TNR: variants seen among roughly 807,000 people sequenced by gnomAD.
TNR encodes tenascin R.
TNR carries 45 observed loss-of-function variants against 150.4 expected under a neutral mutation model. The ratio of observed to expected loss-of-function variants is 0.30; its 90% CI spans 0.24 to 0.38. TNR has a LOEUF of 0.38. Among genes scored for constraint, TNR ranks in the 10% least tolerant of loss-of-function variants. The probability of loss-of-function intolerance (pLI) is 1.00; values close to 1 mark genes in which losing one functional copy is unlikely to be tolerated. For missense variants in TNR, 1,544 were observed against 1,759.1 expected (o/e 0.88, Z 2.19); for synonymous variants, 687 against 678.4 (o/e 1.01, Z -0.20).
At chr1:175,589,218 C>A (rs755660911) in intron 1 of TNR, among the ~76,000 whole-genome samples, 9 of 152,156 alleles carry the variant, frequency 5.9e-5, no homozygotes, top group Non-Finnish European at 8.8e-5. Context: ...TATGGTGCTG[C>A]AACTAATTGA....
chr1:175,362,540 A>C (rs1651646754), intron 14 of TNR, 123 bp downstream of exon 14: 1 of 1,215,486 alleles, frequency 8.2e-7, no homozygotes, highest in Admixed American at 2.3e-5. Flanking sequence ...TGCAAGACAC[A>C]GTGAGTTGGA....
intron 1 of TNR, among the ~76,000 whole-genome samples, chr1:175,616,076 G>A (rs893518602): frequency 4.6e-5 from 7 of 152,250 alleles, no homozygotes; most frequent in African/African-American, 9.6e-5. Context: ...TTCTTTCTGC[G>A]TGGGACAAAC....
rs530193070 is a variant in TNR at position 175,625,534 on chromosome 1, C to T, written c.-164-97165G>A. 4.6e-5 allele frequency among the ~76,000 whole-genome samples: 7 copies of T among 152,356 alleles called. No individual in the cohort carries two copies. The South Asian group carries it at 1.2e-3, about 27-fold the overall frequency. On this transcript the variant is annotated intron_variant, in intron 1 of 22. Coordinates refer to ENST00000367674, the MANE Select transcript of TNR (RefSeq NM_003285.3). ...CCCAGAGGCCTGAGCTCCAGACTGGCTCAGCCAGGCCTGTGTGCTCCACAG... is the reference window on the plus strand; with the variant it reads ...CCCAGAGGCCTGAGCTCCAGACTGGTTCAGCCAGGCCTGTGTGCTCCACAG...
intron 2 of TNR, among the ~76,000 whole-genome samples, chr1:175,508,558 C>T (rs1659045382): frequency 6.6e-6 from 1 of 152,226 alleles, no homozygotes; most frequent in South Asian, 2.1e-4. Flanking sequence ...GGCTTTTTCA[C>T]TCTCAAACTG....
At chr1:175,391,164 A>AATTGTCCCAGC (rs1219044130) in intron 7 of TNR, 124 bp downstream of exon 7, 2 of 1,252,050 alleles carry the variant, frequency 1.6e-6, no homozygotes, top group Admixed American at 4.7e-5. Flanking sequence ...CAGGTACCAG[A>AATTGTCCCAGC]ATTGTCCCAG....
chr1:175,621,636 T>C (rs1016200351), intron 1 of TNR, among the ~76,000 whole-genome samples: 1 of 152,206 alleles, frequency 6.6e-6, no homozygotes, highest in African/African-American at 2.4e-5. Context: ...ACTTGCTTGA[T>C]AAACTCTTGT....
chr1:175,507,081 C>T (rs932098266), intron 2 of TNR, among the ~76,000 whole-genome samples: 2 of 152,152 alleles, frequency 1.3e-5, no homozygotes, highest in Admixed American at 6.5e-5. Context: ...CATTTGGGTT[C>T]GCTGCTCAGT....
At chr1:175,355,366 G>T in intron 17 of TNR, 137 bp downstream of exon 17, 1 of 1,195,164 alleles carries the variant, frequency 8.4e-7, no homozygotes. Context: ...GGGTATCCTT[G>T]ATGGGAAGCT....
chr1:175,451,806 G>A (rs768972298), intron 2 of TNR, among the ~76,000 whole-genome samples: 5 of 152,208 alleles, frequency 3.3e-5, no homozygotes, highest in Non-Finnish European at 7.3e-5. Flanking sequence ...TTGAACGTTG[G>A]AGAGACACAG....
At chr1:175,494,919 G>A (rs958277530) in intron 2 of TNR, among the ~76,000 whole-genome samples, 9 of 152,154 alleles carry the variant, frequency 5.9e-5, no homozygotes, top group Non-Finnish European at 8.8e-5. Flanking sequence ...AATGAATCTA[G>A]ATCCCTCATA....
intron 1 of TNR, among the ~76,000 whole-genome samples, chr1:175,597,701 G>A (rs536132170): frequency 1.3e-5 from 2 of 152,324 alleles, no homozygotes; most frequent in South Asian, 4.1e-4. Context: ...TATTGGAAAT[G>A]TGGGGGCATG....
intron 5 of TNR, among the ~76,000 whole-genome samples, chr1:175,396,071 T>A (rs935296946): frequency 6.6e-6 from 1 of 152,234 alleles, no homozygotes; most frequent in Non-Finnish European, 1.5e-5. Flanking sequence ...CACCTCTCTA[T>A]CAGGAGAAGG....
chr1:175,328,899 T>C (rs1649561909), intron 21 of TNR, among the ~76,000 whole-genome samples: 1 of 152,254 alleles, frequency 6.6e-6, no homozygotes, highest in Non-Finnish European at 1.5e-5. Flanking sequence ...GGCACAATTC[T>C]AATCTTAGAA....
chr1:175,387,076 C>G lies in TNR; in HGVS notation c.1508-775G>C, dbSNP rs888345739. Reference sequence around the variant, plus strand: ...GGCACTGTGCAGGTCAGGGCAACACCTGGAAAGCTGGTTGATTTCCTGCAG... The same window carrying G: ...GGCACTGTGCAGGTCAGGGCAACACGTGGAAAGCTGGTTGATTTCCTGCAG... On this transcript the variant is annotated intron_variant, in intron 7 of 22. Coordinates refer to ENST00000367674, the MANE Select transcript of TNR (RefSeq NM_003285.3). 2.0e-5 allele frequency among the ~76,000 whole-genome samples: 3 copies of G among 152,218 alleles called. No homozygotes were observed. The East Asian group carries it at 5.8e-4, about 29-fold the overall frequency.
chr1:175,430,881 T>C (rs1278262465), intron 2 of TNR, among the ~76,000 whole-genome samples: 1 of 152,258 alleles, frequency 6.6e-6, no homozygotes, highest in Non-Finnish European at 1.5e-5. Context: ...GGTTGTTTTA[T>C]ATTTTGTAGT....
At chr1:175,395,340 C>T (rs1653374916) in intron 5 of TNR, among the ~76,000 whole-genome samples, 1 of 152,156 alleles carries the variant, frequency 6.6e-6, no homozygotes, top group Non-Finnish European at 1.5e-5. Context: ...TACCTGAATA[C>T]CATCTACCTA....
chr1:175,731,223 A>C (rs1481442825), intron 1 of TNR, among the ~76,000 whole-genome samples: 1 of 152,200 alleles, frequency 6.6e-6, no homozygotes, highest in Non-Finnish European at 1.5e-5. Flanking sequence ...GCCCAATTAC[A>C]GGACAACAAA....
chr1:175,739,221 G>C (rs575133997), intron 1 of TNR, among the ~76,000 whole-genome samples: 26 of 152,246 alleles, frequency 1.7e-4, no homozygotes, highest in African/African-American at 5.8e-4. Context: ...AATGGAAGGA[G>C]GCAGAGGACA....
intron 2 of TNR, among the ~76,000 whole-genome samples, 181 bp from the exon 3 acceptor site, chr1:175,406,958 C>A (rs1461706319): frequency 6.6e-6 from 1 of 152,150 alleles, no homozygotes; most frequent in Non-Finnish European, 1.5e-5. Context: ...AAGGACTGGA[C>A]CCCTGAAAAT....
Sources: gnomAD v4.1 joint callset for allele counts (sites outside exome capture counted in the v4.1 genomes callset) on GRCh38, gnomAD v4.1.1 for gene constraint, MANE v1.5 for transcripts, NCBI Gene and HGNC (gene_info 2026-07-23, HGNC 2026-07-21) for gene names.